Variants in UBE3A observed in about 807,000 individuals in gnomAD.
UBE3A encodes ubiquitin protein ligase E3A.
UBE3A carries 6 observed loss-of-function variants against 83.4 expected under a neutral mutation model. That is an observed-to-expected ratio of 0.07 (90% CI 0.04 to 0.14). The LOEUF is 0.14. Among genes scored for constraint, UBE3A ranks in the 10% least tolerant of loss-of-function variants. The pLI is 1.00. For synonymous variants in UBE3A, 337 were observed against 355.4 expected (o/e 0.95, Z 0.58); for missense variants, 456 against 1,036.1 (o/e 0.44, Z 7.69).
chr15:25,352,989 T>TAAAG (rs2076726036), intron 11 of UBE3A, among the ~76,000 whole-genome samples: 1 of 152,298 alleles, frequency 6.6e-6, no homozygotes, highest in African/African-American at 2.4e-5. Flanking sequence ...AATTTCTCTA[T>TAAAG]AAAGAATAGC....
At chr15:25,407,270 A>G in intron 3 of UBE3A, 1 of 1,067,462 alleles carries the variant, frequency 9.4e-7, no homozygotes, top group Non-Finnish European at 1.1e-6. Flanking sequence ...GCACTGAGGG[A>G]AGAGAGGCAG....
At chr15:25,367,193 ATTTACATAT>A in intron 6 of UBE3A, among the ~76,000 whole-genome samples, 1 of 119,032 alleles carries the variant, frequency 8.4e-6, no homozygotes, top group Non-Finnish European at 1.6e-5. Flanking sequence ...ATATGTAAAT[ATTTACATAT>A]TTGTAAATAT....
At chr15:25,397,224 T>C (rs868110362) in intron 4 of UBE3A, among the ~76,000 whole-genome samples, 3 of 152,292 alleles carry the variant, frequency 2.0e-5, no homozygotes, top group South Asian at 2.1e-4. Context: ...AACAGCTCTA[T>C]TGAGACATTA....
At chr15:25,363,631 T>A (rs917603425) in intron 6 of UBE3A, among the ~76,000 whole-genome samples, 2 of 152,186 alleles carry the variant, frequency 1.3e-5, no homozygotes, top group African/African-American at 4.8e-5. Context: ...TCTTAACTAC[T>A]ATGCTTTACT....
rs1195064379 is a variant in UBE3A, at chr15:25,337,758, AAT to A, written c.*1377_*1378del. ...ATAGCTTGTAGCAAAAGGATATATC[AAT>A]GTCTCACCTTAGTTAAAAATACATA... On this transcript the variant is annotated 3_prime_UTR_variant, in exon 13 of 13. Coordinates refer to ENST00000648336, the MANE Select transcript of UBE3A (RefSeq NM_130839.5). 1 of 152,142 alleles carries A rather than the reference AAT, an allele frequency of 6.6e-6. No individual in the cohort carries two copies. Among genetic ancestry groups the A allele is most frequent in the Non-Finnish European group, 1.5e-5 (1 of 68,006 alleles). The allele number at this position is 152,142 out of a possible 1,614,324, so 9.4% of individuals were successfully genotyped here.
chr15:25,391,740 A>C (rs1356893045), intron 4 of UBE3A: 1 of 152,200 alleles, frequency 6.6e-6, no homozygotes, highest in African/African-American at 2.4e-5. Flanking sequence ...AGGCGCAATG[A>C]AAGAAAACAA....
intron 12 of UBE3A, chr15:25,339,844 G>GAATC: frequency 1.9e-6 from 1 of 529,882 alleles, no homozygotes; most frequent in Non-Finnish European, 3.4e-6. Context: ...AAAAGTAAAT[G>GAATC]AATCACACTA....
intron 4 of UBE3A, among the ~76,000 whole-genome samples, chr15:25,381,453 A>T (rs1488485704): frequency 6.6e-6 from 1 of 152,204 alleles, no homozygotes; most frequent in Non-Finnish European, 1.5e-5. Context: ...GTGAGATGCA[A>T]TATAAAAACT....
intron 11 of UBE3A, among the ~76,000 whole-genome samples, chr15:25,344,217 C>A (rs1240062487): frequency 6.6e-6 from 1 of 152,090 alleles, no homozygotes; most frequent in African/African-American, 2.4e-5. Context: ...CCTCGATGCC[C>A]ATAAATATTG....
At chr15:25,364,074 A>ATAAATAAATAAG (rs57025744) in intron 6 of UBE3A, among the ~76,000 whole-genome samples, 1 of 147,798 alleles carries the variant, frequency 6.8e-6, no homozygotes, top group Non-Finnish European at 1.5e-5. Context: ...AAATAAATAA[A>ATAAATAAATAAG]AAATAGTGGG....
chr15:25,375,836 AG>A, intron 4 of UBE3A, 73 bp from the exon 5 acceptor site: 3 of 1,518,474 alleles, frequency 2.0e-6, no homozygotes, highest in Non-Finnish European at 2.7e-6. Flanking sequence ...CATATCATCA[AG>A]GCAAAAGTTA....
At chr15:25,425,816 C>T (rs1367182770) in intron 1 of UBE3A, among the ~76,000 whole-genome samples, 4 of 152,168 alleles carry the variant, frequency 2.6e-5, no homozygotes, top group Non-Finnish European at 4.4e-5. Flanking sequence ...AGGCTCTCTT[C>T]TGGAAATGTA....
At chr15:25,423,555 T>C (rs1036075033) in intron 1 of UBE3A, among the ~76,000 whole-genome samples, 3 of 152,156 alleles carry the variant, frequency 2.0e-5, no homozygotes, top group African/African-American at 7.2e-5. Context: ...TAATTCCTAG[T>C]TCAGTTCTAA....
intron 3 of UBE3A, chr15:25,407,636 A>G (rs1162401479): frequency 6.6e-6 from 1 of 152,310 alleles, no homozygotes; most frequent in Non-Finnish European, 1.5e-5. Flanking sequence ...GCTATTAAAA[A>G]CCATTGATAA....
chr15:25,378,627 A>G (rs2081626830), intron 4 of UBE3A, among the ~76,000 whole-genome samples: 1 of 152,184 alleles, frequency 6.6e-6, no homozygotes. Flanking sequence ...GTACAGAACC[A>G]AGACAAGAAT....
rs1407383738 is a variant in UBE3A, at chr15:25,371,822, C to A, written c.362-10G>T. Reference sequence around the variant, plus strand: ...GTTAAGTAAGTCACATCTAGAAAATCAGAGGAAAAAAGAGAACATTTATTT... The same window carrying A: ...GTTAAGTAAGTCACATCTAGAAAATAAGAGGAAAAAAGAGAACATTTATTT... On this transcript the variant is annotated splice_polypyrimidine_tract_variant and intron_variant, in intron 5 of 12. Coordinates refer to ENST00000648336, the MANE Select transcript of UBE3A (RefSeq NM_130839.5). The surrounding 1 kb of genome is among the most constrained non-coding windows in gnomAD (Gnocchi z 5.3). 5.0e-6 allele frequency: 8 copies of A among 1,600,456 alleles called. No homozygotes were observed. The Admixed American group carries it at 6.9e-5, about 14-fold the overall frequency.
chr15:25,429,201 A>G (rs1170527210), intron 1 of UBE3A, among the ~76,000 whole-genome samples: 2 of 152,256 alleles, frequency 1.3e-5, no homozygotes, highest in South Asian at 2.1e-4. Flanking sequence ...AAAAGTATAA[A>G]ACAAGGATGT....
intron 6 of UBE3A, among the ~76,000 whole-genome samples, chr15:25,365,941 AAT>A (rs1215774001): frequency 1.3e-5 from 2 of 152,188 alleles, no homozygotes; most frequent in African/African-American, 4.8e-5. Flanking sequence ...CAAATCACAT[AAT>A]CACGTTCGTC....
At chr15:25,387,889 T>C (rs1273575806) in intron 4 of UBE3A, among the ~76,000 whole-genome samples, 1 of 152,178 alleles carries the variant, frequency 6.6e-6, no homozygotes, top group African/African-American at 2.4e-5. Context: ...ATCAATTCCT[T>C]AAAAGACACA....
Sources: gnomAD v4.1 joint callset for allele counts (sites outside exome capture counted in the v4.1 genomes callset) on GRCh38, gnomAD v4.1.1 for gene constraint, Gnocchi (gnomAD v3.1) non-coding constraint, MANE v1.5 for transcripts, NCBI Gene and HGNC (gene_info 2026-07-23, HGNC 2026-07-21) for gene names.